SETD1B: variants seen among roughly 807,000 people sequenced by gnomAD.
SETD1B encodes SET domain containing 1B, histone lysine methyltransferase.
In SETD1B, 7 loss-of-function variants were observed where a neutral mutation model predicts 148.0. The observed-to-expected ratio is 0.05, with a 90% CI of 0.03 to 0.09. SETD1B has a LOEUF of 0.09. SETD1B is among the 10% of genes least tolerant of loss of function. The pLI, the probability that SETD1B is intolerant of heterozygous loss-of-function variation, is 1.00. For synonymous variants in SETD1B, 1,361 were observed against 1,186.5 expected, an observed-to-expected ratio of 1.15 and a Z score of -3.02; for missense variants, 2,155 against 2,729.9, an observed-to-expected ratio of 0.79 and a Z score of 4.69.
upstream of SETD1B, chr12:121,799,114 G>GCC (rs1012237424): frequency 6.6e-6 from 1 of 152,110 alleles, no homozygotes; most frequent in Non-Finnish European, 1.5e-5. Flanking sequence ...TTTTCAGTGA[G>GCC]CCCCCCTTCC....
Position 121,822,995 on chromosome 12 carries a change from G to A in SETD1B, c.4416G>A (p.Leu1472=). The A allele has an allele frequency of 6.5e-7, 1 of 1,530,982 alleles. No homozygotes were observed. The highest frequency in any genetic ancestry group is 8.8e-7 in the Non-Finnish European group (1 of 1,140,374). The allele number at this position is 1,530,982 out of a possible 1,614,324, so 94.8% of individuals were successfully genotyped here. ...CCCCGGTGCTCCTGGAGACGGGCCT[G>A]CCCCTCCCTCTGCCCCTTCCCCTGC... The part of the protein sequence containing the change: ...LASPVLLETG[L]PLPLPLPLPL... Residue 1472 remains leucine (L), a synonymous_variant, in exon 12 of 17, where the codon CTG becomes CTA. Coordinates refer to ENST00000604567, the MANE Select transcript of SETD1B (RefSeq NM_001353345.2).
Position 121,804,141 on chromosome 12 carries a change from C to T in SETD1B, c.-107C>T, listed in dbSNP as rs1459984252. ...AGCCGCGGCGGCGGCGCCCCCCCTT[C>T]CTGGCCCCCGGTCCGGCCGCCCCGG... On this transcript the variant is annotated 5_prime_UTR_variant, in exon 1 of 17. Transcript: ENST00000604567. This position sits in a 1 kb window ranked among gnomAD's most constrained non-coding sequence, Gnocchi z 4.6. 6.6e-6 allele frequency: 1 copy of T among 150,650 alleles called. No individual in the cohort carries two copies. Among genetic ancestry groups the T allele is most frequent in the East Asian group, 2.0e-4 (1 of 5,118 alleles). 9.3% of individuals were successfully genotyped at this position (150,650 alleles called of 1,614,324 possible).
rs1400859544 is a variant in SETD1B at position 121,822,537 on chromosome 12, C to A, written c.3958C>A (p.Pro1320Thr). ...GGAGCCCCCTATGATGCTCCCCTTG[C>A]CGCTGCAACCACCATTGCCGCCCCC... ...EPEPPMMLPL[P>T]LQPPLPPPRP... is the part of the protein sequence containing the mutation. Residue 1320 changes from proline to threonine, a missense_variant, in exon 12 of 17, where the codon CCG (proline) becomes ACG (threonine). By Grantham distance (38) the Pro-to-Thr change is conservative. Transcript: ENST00000604567. 1 of 1,550,652 alleles carries A rather than the reference C, an allele frequency of 6.4e-7. No individual in the cohort carries two copies. The highest frequency in any genetic ancestry group is 8.7e-7 in the Non-Finnish European group (1 of 1,146,388).
chr12:121,803,445 A>T (rs1005260031), upstream of SETD1B: 2 of 152,226 alleles, frequency 1.3e-5, no homozygotes, highest in Admixed American at 6.5e-5. This position sits in a 1 kb window ranked among gnomAD's most constrained non-coding sequence, Gnocchi z 4.7. Context: ...TGCGAATGCT[A>T]ACGTGGTGAA....
chr12:121,803,222 C>T (rs1177911149), upstream of SETD1B: 1 of 152,170 alleles, frequency 6.6e-6, no homozygotes, highest in Non-Finnish European at 1.5e-5. The surrounding 1 kb of genome is among the most constrained non-coding windows in gnomAD (Gnocchi z 4.7). Flanking sequence ...GGAAGCCGCG[C>T]GCTGATTGGC....
At chr12:121,828,117 G>A in intron 16 of SETD1B, 47 bp downstream of exon 16, 2 of 1,543,358 alleles carry the variant, frequency 1.3e-6, no homozygotes, top group Non-Finnish European at 1.7e-6. Context: ...CCTGCCCCTG[G>A]CCCTGCTTCT....
At chr12:121,793,625 G>A in the SETD1B span, 3 of 1,541,804 alleles carry the variant, frequency 1.9e-6, no homozygotes, top group East Asian at 4.8e-5. Context: ...GGGCCCCGGG[G>A]GCATCCATTG....
In SETD1B at chr12:121,808,911, C is replaced by G. The variant is rs146401665; in HGVS notation, c.657+591C>G. ...TTTGAGACAGAGTCTCAGTCTGTCCCCAGGCTGGAGTGCAGTGGTGCGATC... is the reference window on the plus strand; with the variant it reads ...TTTGAGACAGAGTCTCAGTCTGTCCGCAGGCTGGAGTGCAGTGGTGCGATC... On this transcript the variant is annotated intron_variant, in intron 5 of 16. Transcript: ENST00000604567. The surrounding 1 kb of genome is among the most constrained non-coding windows in gnomAD (Gnocchi z 5.3). Among the ~76,000 whole-genome samples the G allele has an allele frequency of 6.6e-6, 1 of 152,152 alleles. No individual in the cohort carries two copies. Among genetic ancestry groups the G allele is most frequent in the African/African-American group, 2.4e-5 (1 of 41,418 alleles).
intron 11 of SETD1B, among the ~76,000 whole-genome samples, chr12:121,821,308 G>A (rs1369974689): frequency 6.6e-6 from 1 of 152,008 alleles, no homozygotes; most frequent in Non-Finnish European, 1.5e-5. Context: ...CAGGTGGCAG[G>A]CTCCTGTAAT....
chr12:121,793,206 C>T, the SETD1B span: 2 of 1,550,940 alleles, frequency 1.3e-6, no homozygotes, highest in Non-Finnish European at 1.7e-6. Context: ...GTCACGCTGG[C>T]CGTGTACTTC....
Position 121,809,745 on chromosome 12 carries a change from A to G in SETD1B, c.800A>G (p.Asn267Ser), listed in dbSNP as rs1875922900. ...TCCAGCTGCCGCCTGGACACACCCA[A>G]CTCCTATGGACAGGGCACCCCGCTC... Reference protein sequence around the residue: ...AYSSCRLDTPNSYGQGTPLTP... With the variant: ...AYSSCRLDTPSSYGQGTPLTP... The change falls in exon 6 of 17, where the codon AAC becomes AGC. Residue 267 changes from asparagine (N) to serine (S), a missense_variant. Transcript: ENST00000604567. The G allele has an allele frequency of 6.5e-7, 1 of 1,549,886 alleles. No homozygotes were observed. Among genetic ancestry groups the G allele is most frequent in the Non-Finnish European group, 8.7e-7 (1 of 1,146,478 alleles).
intron 4 of SETD1B, among the ~76,000 whole-genome samples, chr12:121,807,402 C>T (rs1875795459): frequency 7.3e-6 from 1 of 137,066 alleles, no homozygotes; most frequent in South Asian, 2.2e-4. Context: ...CACGTGCCCA[C>T]ATTTTAAGGA....
In SETD1B at chr12:121,825,065, G is replaced by A; in HGVS notation, c.5171-135G>A. On this transcript the variant is annotated intron_variant, in intron 12 of 16. Transcript: ENST00000604567. ...GGGTTGGTCAGCGGGCAGCCACGTG[G>A]AGGTGGCATGGGAGTGGGCAGTAGA... The A allele has an allele frequency of 4.7e-6, 4 of 855,934 alleles. No individual in the cohort carries two copies. The South Asian group carries it at 7.2e-5, about 15-fold the overall frequency. 53.0% of individuals were successfully genotyped at this position (855,934 alleles called of 1,614,324 possible).
the SETD1B span, chr12:121,795,788 C>A: frequency 6.5e-6 from 1 of 152,672 alleles, no homozygotes; most frequent in Non-Finnish European, 1.5e-5. Context: ...CATAGGAGGG[C>A]TCCTGACTGT....
chr12:121,825,341 C>T lies in SETD1B; in HGVS notation c.5312C>T (p.Thr1771Ile). Residue 1771 changes from threonine (T) to isoleucine (I), a missense_variant, in exon 13 of 17, where the codon ACC becomes ATC. Thr to Ile is a moderately conservative substitution (Grantham distance 89). This residue lies in a region of SETD1B where 96 missense variants were observed against 148.7 expected (regional missense o/e 0.65). Coordinates refer to ENST00000604567, the MANE Select transcript of SETD1B (RefSeq NM_001353345.2). ...TACCTCAACAGCAGCCGTGCCAGCACCGATGAGCCCCCCGCAGACACCCAG... is the reference window on the plus strand; with the variant it reads ...TACCTCAACAGCAGCCGTGCCAGCATCGATGAGCCCCCCGCAGACACCCAG... ...LRYLNSSRAS[T>I]DEPPADTQGM... 1 of 1,550,958 alleles carries T rather than the reference C, an allele frequency of 6.4e-7. No individual in the cohort carries two copies. Among genetic ancestry groups the T allele is most frequent in the Non-Finnish European group, 8.7e-7 (1 of 1,147,038 alleles).
chr12:121,805,022 C>T lies in SETD1B; in HGVS notation c.175-96C>T. 2 of 1,473,238 alleles carry T rather than the reference C, an allele frequency of 1.4e-6. No homozygotes were observed. Among genetic ancestry groups the T allele is most frequent in the Middle Eastern group, 1.8e-4 (1 of 5,528 alleles). 91.3% of individuals were successfully genotyped at this position (1,473,238 alleles called of 1,614,324 possible). On this transcript the variant is annotated intron_variant, in intron 2 of 16. Transcript: ENST00000604567. This position sits in a 1 kb window ranked among gnomAD's most constrained non-coding sequence, Gnocchi z 4.2. ...CCCCGGCCAACTGTCAGACGGGGCCCCAGCCCTGGAGTTTGACAAGTGCCT... is the reference window on the plus strand; with the variant it reads ...CCCCGGCCAACTGTCAGACGGGGCCTCAGCCCTGGAGTTTGACAAGTGCCT...
At chr12:121,826,267 G>A (rs869176462) in intron 13 of SETD1B, among the ~76,000 whole-genome samples, 1 of 151,866 alleles carries the variant, frequency 6.6e-6, no homozygotes, top group South Asian at 2.1e-4. Flanking sequence ...AAAGAAGCAC[G>A]TAATTCCAGG....
chr12:121,814,648 T>C lies in SETD1B; in HGVS notation c.2433T>C (p.Phe811=), dbSNP rs1876205022. Residue 811 remains phenylalanine, a synonymous_variant, in exon 7 of 17, where the codon TTT becomes TTC. Transcript: ENST00000604567. ...CCGCTGCCTCAGCTGGGCTCCAGTT[T>C]GTCAACCTGCCGCCCTACCGGGGCC... is the stretch of plus-strand genomic sequence containing the variant. The part of the protein sequence containing the change: ...AAAAASAGLQ[F]VNLPPYRGPF... 6.5e-7 allele frequency: 1 copy of C among 1,548,132 alleles called. No individual in the cohort carries two copies. The highest frequency in any genetic ancestry group is 2.5e-5 in the East Asian group (1 of 40,760).
chr12:121,796,183 T>A, the SETD1B span: 114,719 of 152,572 alleles, frequency 0.75, 44,294 homozygotes, highest in East Asian at 0.95. Context: ...AGGAGGTAGC[T>A]CCCTTACCTG....
Sources: allele counts gnomAD v4.1 joint callset (sites outside exome capture counted in the v4.1 genomes callset), GRCh38; gene constraint gnomAD v4.1.1; regional missense constraint gnomAD v4.1.1; non-coding constraint Gnocchi (gnomAD v3.1); transcripts MANE v1.5; gene names NCBI Gene and HGNC (gene_info 2026-07-23, HGNC 2026-07-21).